FAM241A: variants seen among roughly 807,000 people sequenced by gnomAD.
The protein encoded by FAM241A is uncharacterized protein FAM241A.
Under a neutral mutation model 12.2 loss-of-function variants are expected in FAM241A, and 7 were observed. The observed-to-expected ratio is 0.58, with a 90% CI of 0.33 to 1.08. The LOEUF (loss-of-function observed/expected upper bound fraction) is 1.08. FAM241A is among the 50% of genes least tolerant of loss of function. FAM241A has a pLI of 0.04. For synonymous variants in FAM241A, 74 were observed against 68.2 expected, an observed-to-expected ratio of 1.08 and a Z score of -0.42; for missense variants, 161 against 169.7, an observed-to-expected ratio of 0.95 and a Z score of 0.29.
At chr4:112,153,911 T>C (rs1161038685) in intron 1 of FAM241A, among the ~76,000 whole-genome samples, 1 of 152,244 alleles carries the variant, frequency 6.6e-6, no homozygotes, top group Non-Finnish European at 1.5e-5. Flanking sequence ...TTTTACAGTA[T>C]TTATTTTCAT....
At chr4:112,170,045 A>T (rs1315360336) in intron 1 of FAM241A, among the ~76,000 whole-genome samples, 2 of 152,268 alleles carry the variant, frequency 1.3e-5, no homozygotes, top group East Asian at 3.9e-4. Flanking sequence ...TTGGCGAGAA[A>T]ATATTTTTTA....
chr4:112,157,922 A>T (rs543901602), intron 1 of FAM241A, among the ~76,000 whole-genome samples: 18 of 152,272 alleles, frequency 1.2e-4, no homozygotes, highest in East Asian at 9.6e-4. Context: ...AGCAATGTAG[A>T]GGCACATTTC....
chr4:112,167,592 T>C (rs151143395), intron 1 of FAM241A, among the ~76,000 whole-genome samples: 80 of 152,318 alleles, frequency 5.3e-4, no homozygotes, highest in African/African-American at 1.9e-3. Context: ...AGTTGAGAAG[T>C]AATGTTCTGA....
At chr4:112,166,334 T>G (rs766889768) in intron 1 of FAM241A, among the ~76,000 whole-genome samples, 3 of 152,048 alleles carry the variant, frequency 2.0e-5, no homozygotes, top group Non-Finnish European at 2.9e-5. Flanking sequence ...CCTCCCAAAG[T>G]GCTGGGAAAA....
At chr4:112,179,914 G>GATATATATATATATAT (rs34513702) in intron 1 of FAM241A, among the ~76,000 whole-genome samples, 42 of 117,758 alleles carry the variant, frequency 3.6e-4, no homozygotes, top group African/African-American at 8.7e-4. Context: ...AAGAAAATGT[G>GATATATATATATATAT]ATATATATAT....
rs1724091521 is a variant in FAM241A, at chr4:112,188,553, A to G, written c.*1615A>G. 1 of 152,152 alleles carries G rather than the reference A, an allele frequency of 6.6e-6. No individual in the cohort carries two copies. The highest frequency in any genetic ancestry group is 1.5e-5 in the Non-Finnish European group (1 of 68,004). 9.4% of individuals were successfully genotyped at this position (152,152 alleles called of 1,614,324 possible). On this transcript the variant is annotated 3_prime_UTR_variant, in exon 2 of 2. Transcript: ENST00000309733. ...ATATTGTGTTTTTATTGCTTTTGCA[A>G]TATTTTTATAGTAGCCTTTATGAAC...
In FAM241A at chr4:112,188,441, TAGTC is replaced by T. The variant is rs1256893510; in HGVS notation, c.*1506_*1509del. 1.3e-5 allele frequency: 2 copies of T among 152,174 alleles called. No individual in the cohort carries two copies. Among genetic ancestry groups the T allele is most frequent in the African/African-American group, 2.4e-5 (1 of 41,462 alleles). The allele number at this position is 152,174 out of a possible 1,614,324, so 9.4% of individuals were successfully genotyped here. On this transcript the variant is annotated 3_prime_UTR_variant, in exon 2 of 2. Transcript: ENST00000309733. ...ATCAGATAATCCTAAACAAAAATGTTAGTCAGGGTCACTAAAAAGTATTGCACAT... is the reference window on the plus strand; with the variant it reads ...ATCAGATAATCCTAAACAAAAATGTTAGGGTCACTAAAAAGTATTGCACAT...
chr4:112,149,370 T>C (rs1362897443), intron 1 of FAM241A, among the ~76,000 whole-genome samples: 2 of 152,216 alleles, frequency 1.3e-5, no homozygotes, highest in Non-Finnish European at 2.9e-5. Context: ...CAAAAGGTTG[T>C]GTCATTTTCC....
chr4:112,165,573 G>A (rs781414147), intron 1 of FAM241A, among the ~76,000 whole-genome samples: 32 of 152,194 alleles, frequency 2.1e-4, no homozygotes, highest in East Asian at 5.8e-4. Flanking sequence ...CTATTCAGCC[G>A]TTAAAAAGAG....
chr4:112,167,113 C>CA (rs1216781434), intron 1 of FAM241A, among the ~76,000 whole-genome samples: 1,305 of 86,114 alleles, frequency 0.015, 16 homozygotes, highest in African/African-American at 0.039. Flanking sequence ...GACTCCGTCT[C>CA]AAAAAAAAAA....
At chr4:112,180,648 A>G (rs973670949) in intron 1 of FAM241A, among the ~76,000 whole-genome samples, 1 of 149,956 alleles carries the variant, frequency 6.7e-6, no homozygotes, top group Admixed American at 6.7e-5. Context: ...TTCTAAATTT[A>G]AAAAAAAAAC....
chr4:112,161,109 C>A (rs1578372002), intron 1 of FAM241A, among the ~76,000 whole-genome samples: 1 of 152,064 alleles, frequency 6.6e-6, no homozygotes, highest in East Asian at 1.9e-4. Context: ...TTCTTTGAAA[C>A]CAATGAGAAC....
chr4:112,162,164 A>C (rs1270987197), intron 1 of FAM241A, among the ~76,000 whole-genome samples: 1 of 152,214 alleles, frequency 6.6e-6, no homozygotes, highest in Non-Finnish European at 1.5e-5. Context: ...GTATCTCACA[A>C]TAATAAGAGC....
At chr4:112,176,826 T>C (rs540618639) in intron 1 of FAM241A, among the ~76,000 whole-genome samples, 1 of 152,292 alleles carries the variant, frequency 6.6e-6, no homozygotes, top group Non-Finnish European at 1.5e-5. Context: ...CAAAGGAAAC[T>C]GTACATTTGA....
intron 1 of FAM241A, among the ~76,000 whole-genome samples, chr4:112,179,775 A>G (rs1723891895): frequency 6.7e-6 from 1 of 149,712 alleles, no homozygotes; most frequent in African/African-American, 2.4e-5. Context: ...CAATCCTATT[A>G]CTGCATATAT....
At chr4:112,183,980 A>C (rs1262553099) in intron 1 of FAM241A, among the ~76,000 whole-genome samples, 1 of 152,152 alleles carries the variant, frequency 6.6e-6, no homozygotes, top group Non-Finnish European at 1.5e-5. Flanking sequence ...ATAATTTAGA[A>C]ATCAATTTTT....
At chr4:112,171,367 A>T (rs1723716053) in intron 1 of FAM241A, 1 of 761,420 alleles carries the variant, frequency 1.3e-6, no homozygotes, top group East Asian at 2.5e-5. Flanking sequence ...TATGGGGGAC[A>T]AGCTAAGCCA....
At chr4:112,146,763 G>C (rs985507351) in intron 1 of FAM241A, among the ~76,000 whole-genome samples, 1 of 152,150 alleles carries the variant, frequency 6.6e-6, no homozygotes, top group African/African-American at 2.4e-5. Flanking sequence ...GTTTCAATAG[G>C]TTACTTAGGA....
intron 1 of FAM241A, among the ~76,000 whole-genome samples, chr4:112,177,155 C>G (rs181779236): frequency 6.6e-5 from 10 of 151,968 alleles, no homozygotes; most frequent in Admixed American, 3.9e-4. Context: ...AATTTTTGTA[C>G]AGGATGAAAA....
Sources: gnomAD v4.1 joint callset for allele counts (sites outside exome capture counted in the v4.1 genomes callset) on GRCh38, gnomAD v4.1.1 for gene constraint, MANE v1.5 for transcripts, NCBI Gene and HGNC (gene_info 2026-07-23, HGNC 2026-07-21) for gene names.